Variants in NTNG1 observed in about 807,000 individuals in gnomAD.
NTNG1 encodes netrin G1.
A neutral mutation model predicts 54.0 loss-of-function variants in NTNG1; 16 were observed. That is an observed-to-expected ratio of 0.30 (90% confidence interval 0.20 to 0.45). NTNG1 has a LOEUF of 0.45. Among genes scored for constraint, NTNG1 ranks in the 20% least tolerant of loss-of-function variants. NTNG1 has a pLI of 1.00. For synonymous variants in NTNG1, 255 were observed against 263.1 expected, an observed-to-expected ratio of 0.97 and a Z score of 0.30; for missense variants, 530 against 678.7, an observed-to-expected ratio of 0.78 and a Z score of 2.43.
At chr1:107,175,507 C>T (rs924043184) in intron 2 of NTNG1, among the ~76,000 whole-genome samples, 18 of 152,086 alleles carry the variant, frequency 1.2e-4, no homozygotes, top group Admixed American at 2.0e-4. Flanking sequence ...CTCATTTCAA[C>T]GGCAATCAAT....
At chr1:107,303,747 A>C (rs1038519174) in intron 2 of NTNG1, among the ~76,000 whole-genome samples, 4 of 151,990 alleles carry the variant, frequency 2.6e-5, no homozygotes, top group Non-Finnish European at 4.4e-5. Context: ...AATGCAGTGG[A>C]ACGATCTCGG....
chr1:107,197,945 A>T (rs1352521020), intron 2 of NTNG1, among the ~76,000 whole-genome samples: 1 of 152,022 alleles, frequency 6.6e-6, no homozygotes. Flanking sequence ...AAAAATAATG[A>T]TCCTATTCCC....
intron 5 of NTNG1, among the ~76,000 whole-genome samples, chr1:107,413,548 C>T (rs542280828): frequency 6.6e-6 from 1 of 152,064 alleles, no homozygotes; most frequent in African/African-American, 2.4e-5. Flanking sequence ...TTATCTCCAC[C>T]AGATAGTTTC....
chr1:107,166,982 A>G (rs557362390), intron 2 of NTNG1, among the ~76,000 whole-genome samples: 6 of 152,252 alleles, frequency 3.9e-5, no homozygotes, highest in Non-Finnish European at 7.4e-5. Flanking sequence ...TTCAGATACA[A>G]GCAACTTAAC....
intron 3 of NTNG1, among the ~76,000 whole-genome samples, chr1:107,354,834 C>T (rs1034242472): frequency 2.0e-5 from 3 of 152,162 alleles, no homozygotes; most frequent in Non-Finnish European, 4.4e-5. Context: ...TGTCTCTCAT[C>T]CAGGGAATGC....
At chr1:107,404,006 T>C (rs1422513358) in intron 4 of NTNG1, among the ~76,000 whole-genome samples, 1 of 151,684 alleles carries the variant, frequency 6.6e-6, no homozygotes, top group Non-Finnish European at 1.5e-5. Context: ...CCAAGTATTT[T>C]TGAGGTTGTT....
At chr1:107,160,362 T>C (rs990902947) in intron 2 of NTNG1, among the ~76,000 whole-genome samples, 2 of 152,130 alleles carry the variant, frequency 1.3e-5, no homozygotes, top group African/African-American at 4.8e-5. Flanking sequence ...CGTCAAGATA[T>C]ATTGCAAATC....
At position 107,210,916 on chromosome 1, in the gene NTNG1, A is replaced by T. The variant is rs143867058; in HGVS notation, c.246+62077A>T. Among the ~76,000 whole-genome samples, 62 of 151,986 alleles carry T rather than the reference A, an allele frequency of 4.1e-4. No homozygotes were observed. In the East Asian group the frequency reaches 0.011, roughly 28 times the overall value. On this transcript the variant is annotated intron_variant, in intron 2 of 7. Coordinates refer to ENST00000370068, the MANE Select transcript of NTNG1 (RefSeq NM_001113226.3). ...GCTCCTGTACAGAATCCTGTTTTCCATTTCTTTCTTAGCAATTGTCTTAGC... is the reference window on the plus strand; with the variant it reads ...GCTCCTGTACAGAATCCTGTTTTCCTTTTCTTTCTTAGCAATTGTCTTAGC...
At chr1:107,336,628 C>T (rs145972995) in intron 3 of NTNG1, among the ~76,000 whole-genome samples, 3 of 151,912 alleles carry the variant, frequency 2.0e-5, no homozygotes, top group Admixed American at 6.6e-5. Flanking sequence ...GTAAGTTGAA[C>T]GTCATCAAAA....
At position 107,189,343 on chromosome 1, in the gene NTNG1, C is replaced by A. The variant is rs577192466; in HGVS notation, c.246+40504C>A. Among the ~76,000 whole-genome samples, 168 of 72,798 alleles carry A rather than the reference C, an allele frequency of 2.3e-3. 1 individual carries two copies. In the South Asian group the frequency reaches 0.032, roughly 14 times the overall value. 47.8% of individuals were successfully genotyped at this position (72,798 alleles called of 152,430 possible). A position where few individuals can be genotyped will look rare whatever the true frequency, so the allele number is the denominator to read the frequency against. ...TAAAACCTGGGTGACAGAGACAGAC[C>A]TTGTCTCAAAAAAAAAAAAAAAAGT... On this transcript the variant is annotated intron_variant, in intron 2 of 7. Coordinates refer to ENST00000370068, the MANE Select transcript of NTNG1 (RefSeq NM_001113226.3).
chr1:107,148,824 G>A lies in NTNG1; in HGVS notation c.231G>A (p.Glu77=). 1 of 1,613,560 alleles carries A rather than the reference G, an allele frequency of 6.2e-7. No homozygotes were observed. The highest frequency in any genetic ancestry group is 1.1e-5 in the South Asian group (1 of 91,064). Reference sequence around the variant, plus strand: ...ATATTACCTGTGGAGACCCTCCTGAGACGTTCTGTGCAATGGTGAGGTAAC... The same window carrying A: ...ATATTACCTGTGGAGACCCTCCTGAAACGTTCTGTGCAATGGTGAGGTAAC... ...PPDITCGDPP[E]TFCAMGNPYM... is the part of the protein sequence containing the mutation. The change falls in exon 2 of 8, where the codon GAG becomes GAA. Residue 77 remains glutamate, a synonymous_variant. Transcript: ENST00000370068.
At chr1:107,270,400 C>A (rs1186512155) in intron 2 of NTNG1, among the ~76,000 whole-genome samples, 1 of 152,144 alleles carries the variant, frequency 6.6e-6, no homozygotes, top group Non-Finnish European at 1.5e-5. Context: ...AATCTAAGCT[C>A]TTTGAATTTT....
chr1:107,332,660 G>C (rs555477263), intron 3 of NTNG1, among the ~76,000 whole-genome samples: 1 of 152,074 alleles, frequency 6.6e-6, no homozygotes, highest in African/African-American at 2.4e-5. Flanking sequence ...TGTGATCAAT[G>C]GTTCAGTAAA....
At chr1:107,141,405 C>G (rs943703097) in intron 1 of NTNG1, 17 of 150,006 alleles carry the variant, frequency 1.1e-4, no homozygotes, top group Non-Finnish European at 2.4e-4. Flanking sequence ...GCAGGGCCGC[C>G]GCCCCGCGCC....
intron 3 of NTNG1, among the ~76,000 whole-genome samples, chr1:107,381,945 G>T (rs560276944): frequency 2.6e-5 from 4 of 152,192 alleles, no homozygotes; most frequent in Non-Finnish European, 5.9e-5. Context: ...AAAAGGACTT[G>T]TCTCTCCCAT....
At chr1:107,225,509 G>T (rs915292815) in intron 2 of NTNG1, among the ~76,000 whole-genome samples, 4 of 152,110 alleles carry the variant, frequency 2.6e-5, no homozygotes, top group African/African-American at 9.7e-5. Flanking sequence ...ACAGATCTGT[G>T]TTTGAGTGCC....
intron 7 of NTNG1, among the ~76,000 whole-genome samples, chr1:107,454,532 CTG>C (rs900213143): frequency 2.0e-5 from 3 of 151,938 alleles, no homozygotes; most frequent in East Asian, 2.0e-4. Context: ...GCCAAATATC[CTG>C]TGTCTTTTTA....
intron 3 of NTNG1, among the ~76,000 whole-genome samples, chr1:107,376,990 G>A (rs990399331): frequency 6.6e-6 from 1 of 152,208 alleles, no homozygotes; most frequent in Admixed American, 6.5e-5. Context: ...AGGAAAAGCA[G>A]GGAGTTGCAG....
At chr1:107,179,516 T>C (rs1000309473) in intron 2 of NTNG1, among the ~76,000 whole-genome samples, 5 of 152,182 alleles carry the variant, frequency 3.3e-5, no homozygotes, top group Non-Finnish European at 7.3e-5. Flanking sequence ...ATTTTTACTG[T>C]TTTCTCTCAA....
Sources: allele counts gnomAD v4.1 joint callset (sites outside exome capture counted in the v4.1 genomes callset), GRCh38; gene constraint gnomAD v4.1.1; transcripts MANE v1.5; gene names NCBI Gene and HGNC (gene_info 2026-07-23, HGNC 2026-07-21).